The following FURIN variants were observed in gnomAD, a reference collection of about 807,000 sequenced individuals.
FURIN encodes furin, paired basic amino acid cleaving enzyme.
A neutral mutation model predicts 89.2 loss-of-function variants in FURIN; 18 were observed. The ratio of observed to expected loss-of-function variants is 0.20; its 90% CI spans 0.14 to 0.30. The LOEUF (loss-of-function observed/expected upper bound fraction) is 0.30. Among genes scored for constraint, FURIN ranks in the 10% least tolerant of loss-of-function variants. FURIN has a pLI of 1.00. For missense variants in FURIN, 879 were observed against 1,100.5 expected, an observed-to-expected ratio of 0.80 and a Z score of 2.85; for synonymous variants, 508 against 466.4, an observed-to-expected ratio of 1.09 and a Z score of -1.15.
In FURIN at chr15:90,880,806, A is replaced by C; in HGVS notation, c.1672A>C (p.Asn558His). The C allele has an allele frequency of 6.2e-7, 1 of 1,613,550 alleles. No homozygotes were observed. Among genetic ancestry groups the C allele is most frequent in the East Asian group, 2.2e-5 (1 of 44,866 alleles). ...VLEIENTSEA[N>H]NYGTLTKFTL... is the part of the protein sequence containing the mutation. ...AGAGATTGAAAACACCAGCGAAGCC[A>C]ACAACTATGGTACTGGGGGCACTTG... The change falls in exon 14 of 16, where the codon AAC becomes CAC. Residue 558 changes from asparagine (N) to histidine (H), a missense_variant. Physicochemically the swap from Asn to His is moderately conservative, Grantham distance 68. Around this residue, in one of 5 missense-constraint regions of FURIN, gnomAD observed 457 missense variants for 490.7 expected, o/e 0.93. Transcript: ENST00000268171.
chr15:90,881,486 C>T lies in FURIN; in HGVS notation c.1993C>T (p.His665Tyr). The change falls in exon 16 of 16, where the codon CAC (histidine) becomes TAC (tyrosine). Residue 665 changes from histidine (H) to tyrosine (Y), a missense_variant. Physicochemically the swap from His to Tyr is moderately conservative, Grantham distance 83. Transcript: ENST00000268171. This position sits in a 1 kb window ranked among gnomAD's most constrained non-coding sequence, Gnocchi z 4.3. ...ALTDCLSCPS[H>Y]ASLDPVEQTC... ...GACAGACTGCCTCAGCTGCCCCAGC[C>T]ACGCCTCCTTGGACCCTGTGGAGCA... 2 of 1,612,196 alleles carry T rather than the reference C, an allele frequency of 1.2e-6. No homozygotes were observed. The highest frequency in any genetic ancestry group is 1.3e-5 in the African/African-American group (1 of 75,044).
At position 90,875,798 on chromosome 15, in the gene FURIN, C is replaced by T. The variant is rs926241613; in HGVS notation, c.58C>T (p.Leu20=). 1 of 1,560,092 alleles carries T rather than the reference C, an allele frequency of 6.4e-7. No individual in the cohort carries two copies. Among genetic ancestry groups the T allele is most frequent in the African/African-American group, 1.3e-5 (1 of 74,136 alleles). The change falls in exon 2 of 16, where the codon CTA becomes TTA. Residue 20 remains leucine (L), a synonymous_variant. Coordinates refer to ENST00000268171, the MANE Select transcript of FURIN (RefSeq NM_002569.4). ...AGCAGCAACAGGAACCTTGGTCCTG[C>T]TAGCAGCTGATGCTCAGGGCCAGAA... ...VVAATGTLVL[L]AADAQGQKVF...
chr15:90,881,488 C>T lies in FURIN; in HGVS notation c.1995C>T (p.His665=), dbSNP rs763946374. 41 of 1,611,994 alleles carry T rather than the reference C, an allele frequency of 2.5e-5. No homozygotes were observed. The highest frequency in any genetic ancestry group is 1.6e-4 in the Middle Eastern group (1 of 6,084). The change falls in exon 16 of 16, where the codon CAC becomes CAT. Residue 665 remains histidine, a synonymous_variant. Coordinates refer to ENST00000268171, the MANE Select transcript of FURIN (RefSeq NM_002569.4). The surrounding 1 kb of genome is among the most constrained non-coding windows in gnomAD (Gnocchi z 4.3). The stretch of plus-strand genomic sequence containing the variant: ...CAGACTGCCTCAGCTGCCCCAGCCA[C>T]GCCTCCTTGGACCCTGTGGAGCAGA... ...ALTDCLSCPS[H]ASLDPVEQTC... is the part of the protein sequence containing the mutation.
rs1205102378 is a variant in FURIN at position 90,878,995 on chromosome 15, T to TG, written c.1053+24dup. ...GCAGATCGTGAGTCTTACCTGGGGG[T>TG]GGGGGCTGGGGAGATGGGGCTGCTG... On this transcript the variant is annotated intron_variant, in intron 9 of 15. Transcript: ENST00000268171. 1.9e-6 allele frequency: 2 copies of TG among 1,077,586 alleles called. No homozygotes were observed. Among genetic ancestry groups the TG allele is most frequent in the Non-Finnish European group, 2.7e-6 (2 of 733,054 alleles). 66.8% of individuals were successfully genotyped at this position (1,077,586 alleles called of 1,614,324 possible).
chr15:90,878,070 G>T, intron 7 of FURIN, 62 bp from the exon 8 acceptor site: 5 of 1,549,700 alleles, frequency 3.2e-6, no homozygotes, highest in Non-Finnish European at 2.7e-6. Context: ...GCTCCTTGGG[G>T]TGGGGGCCCT....
At chr15:90,879,118 G>A (rs1348321584) in intron 9 of FURIN, 142 bp downstream of exon 9, 2 of 625,500 alleles carry the variant, frequency 3.2e-6, no homozygotes, top group East Asian at 2.7e-5. Context: ...TGAACTCTGG[G>A]GCTCTGTAGG....
chr15:90,871,878 GC>G (rs2031325023), intron 1 of FURIN, among the ~76,000 whole-genome samples: 1 of 150,676 alleles, frequency 6.6e-6, no homozygotes, highest in South Asian at 2.1e-4. Context: ...GCGCTCCGCA[GC>G]CCACCTGAGC....
chr15:90,869,320 G>A (rs2031179072), intron 1 of FURIN, among the ~76,000 whole-genome samples: 1 of 152,134 alleles, frequency 6.6e-6, no homozygotes, highest in African/African-American at 2.4e-5. Flanking sequence ...GGGCTCCAGG[G>A]CCAGTTGAGA....
At position 90,881,607 on chromosome 15, in the gene FURIN, G is replaced by C; in HGVS notation, c.2114G>C (p.Arg705Pro). The change falls in exon 16 of 16, where the codon CGG becomes CCG. Residue 705 changes from arginine (R) to proline (P), a missense_variant. By Grantham distance (103) the Arg-to-Pro change is moderately radical. Coordinates refer to ENST00000268171, the MANE Select transcript of FURIN (RefSeq NM_002569.4). The surrounding 1 kb of genome is among the most constrained non-coding windows in gnomAD (Gnocchi z 4.3). ...GAGGTGGAGGCGGGGCAACGGCTGCGGGCAGGGCTGCTGCCCTCACACCTG... is the reference window on the plus strand; with the variant it reads ...GAGGTGGAGGCGGGGCAACGGCTGCCGGCAGGGCTGCTGCCCTCACACCTG... ...PPEVEAGQRL[R>P]AGLLPSHLPE... is the part of the protein sequence containing the mutation. The C allele has an allele frequency of 6.2e-7, 1 of 1,603,618 alleles. No individual in the cohort carries two copies. Among genetic ancestry groups the C allele is most frequent in the Non-Finnish European group, 8.5e-7 (1 of 1,173,704 alleles).
At chr15:90,879,033 C>A in intron 9 of FURIN, 57 bp downstream of exon 9, 1 of 1,150,290 alleles carries the variant, frequency 8.7e-7, no homozygotes, top group Non-Finnish European at 1.3e-6. Flanking sequence ...TGGCTCTGTC[C>A]AGCACCCTCT....
chr15:90,881,566 A>C lies in FURIN; in HGVS notation c.2073A>C (p.Pro691=), dbSNP rs2031975451. Residue 691 remains proline (P), a synonymous_variant, in exon 16 of 16, where the codon CCA becomes CCC. Transcript: ENST00000268171. This position sits in a 1 kb window ranked among gnomAD's most constrained non-coding sequence, Gnocchi z 4.3. The part of the protein sequence containing the change: ...SSRESPPQQQ[P]PRLPPEVEAG... The stretch of plus-strand genomic sequence containing the variant: ...GAGAGTCCCCGCCACAGCAGCAGCC[A>C]CCTCGGCTGCCCCCGGAGGTGGAGG... The C allele has an allele frequency of 6.2e-7, 1 of 1,611,930 alleles. No homozygotes were observed. Among genetic ancestry groups the C allele is most frequent in the Non-Finnish European group, 8.5e-7 (1 of 1,179,048 alleles).
At chr15:90,878,721 T>C (rs765651719) in intron 8 of FURIN, 43 bp from the exon 9 acceptor site, 44 of 1,239,086 alleles carry the variant, frequency 3.6e-5, no homozygotes, top group Non-Finnish European at 4.7e-5. Flanking sequence ...CAGCCCTCCC[T>C]CAAGTCCCAA....
intron 1 of FURIN, among the ~76,000 whole-genome samples, chr15:90,874,567 C>T (rs1316870549): frequency 2.6e-5 from 4 of 152,258 alleles, no homozygotes; most frequent in African/African-American, 9.6e-5. Context: ...AGCACCATCC[C>T]ATTTAGGGTC....
At chr15:90,874,626 G>T (rs941339486) in intron 1 of FURIN, among the ~76,000 whole-genome samples, 6 of 152,184 alleles carry the variant, frequency 3.9e-5, no homozygotes. Context: ...AACTCCCTAT[G>T]GCTGAATCTG....
At position 90,879,937 on chromosome 15, in the gene FURIN, A is replaced by C; in HGVS notation, c.1329A>C (p.Thr443=). 6.2e-7 allele frequency: 1 copy of C among 1,613,312 alleles called. No homozygotes were observed. Among genetic ancestry groups the C allele is most frequent in the Non-Finnish European group, 8.5e-7 (1 of 1,180,000 alleles). ...TGGCCCTGGCCCAGAATTGGACCAC[A>C]GTGGCCCCCCAGCGGAAGTGCATCA... The part of the protein sequence containing the change: ...AMVALAQNWT[T]VAPQRKCIID... Residue 443 remains threonine, a synonymous_variant, in exon 12 of 16, where the codon ACA becomes ACC. Transcript: ENST00000268171.
chr15:90,870,848 G>A (rs1351514280), intron 1 of FURIN, among the ~76,000 whole-genome samples: 10 of 152,154 alleles, frequency 6.6e-5, no homozygotes, highest in Admixed American at 2.0e-4. Context: ...TCTGTAAAAT[G>A]GGATTAATAA....
At chr15:90,871,501 G>A (rs2031289745) in intron 1 of FURIN, 1 of 1,438 alleles carries the variant, frequency 7.0e-4, no homozygotes, top group Non-Finnish European at 2.3e-3. Flanking sequence ...CCACGGCGCT[G>A]GGAACGCGGG....
chr15:90,873,215 G>T (rs2031415391), intron 1 of FURIN: 1 of 152,244 alleles, frequency 6.6e-6, no homozygotes. Flanking sequence ...CGTCTGTGGG[G>T]GTCTCATTTT....
At position 90,877,568 on chromosome 15, in the gene FURIN, A is replaced by G. The variant is rs575763087; in HGVS notation, c.620A>G (p.Asn207Ser). Residue 207 changes from asparagine (N) to serine (S), a missense_variant, in exon 7 of 16, where the codon AAC (asparagine) becomes AGC (serine). Around this residue, in one of 5 missense-constraint regions of FURIN, gnomAD observed 139 missense variants for 215.0 expected, o/e 0.65. Coordinates refer to ENST00000268171, the MANE Select transcript of FURIN (RefSeq NM_002569.4). ...RCAGEVAAVA[N>S]NGVCGVGVAY... ...GCGGGGGAAGTGGCTGCGGTGGCCA[A>G]CAACGGTGTCTGTGGTGTAGGTGTG... 98 of 1,579,652 alleles carry G rather than the reference A, an allele frequency of 6.2e-5. 2 individuals are homozygous for G. In the South Asian group the frequency reaches 1.0e-3, roughly 16 times the overall value.
Sources: allele counts gnomAD v4.1 joint callset (sites outside exome capture counted in the v4.1 genomes callset), GRCh38; gene constraint gnomAD v4.1.1; regional missense constraint gnomAD v4.1.1; non-coding constraint Gnocchi (gnomAD v3.1); transcripts MANE v1.5; gene names NCBI Gene and HGNC (gene_info 2026-07-23, HGNC 2026-07-21).